KIAA1217: variants seen among roughly 807,000 people sequenced by gnomAD.
KIAA1217 encodes KIAA1217.
A neutral mutation model predicts 163.9 loss-of-function variants in KIAA1217; 88 were observed. That is an observed-to-expected ratio of 0.54 (90% confidence interval 0.45 to 0.64). The LOEUF (loss-of-function observed/expected upper bound fraction) is 0.64, where lower values mean the gene tolerates loss of function less well. Among genes scored for constraint, KIAA1217 ranks in the 30% least tolerant of loss-of-function variants. The pLI, the probability that KIAA1217 is intolerant of heterozygous loss-of-function variation, is 0.00. For missense variants in KIAA1217, 2,372 were observed against 2,475.0 expected (o/e 0.96, Z 0.88); for synonymous variants, 903 against 923.1 (o/e 0.98, Z 0.39).
intron 2 of KIAA1217, among the ~76,000 whole-genome samples, chr10:24,114,359 A>G (rs1174818687): frequency 6.6e-6 from 1 of 151,980 alleles, no homozygotes; most frequent in African/African-American, 2.4e-5. Flanking sequence ...TAATAAAAGA[A>G]ACAATTCCAA....
chr10:23,832,952 A>C (rs1193421775), intron 1 of KIAA1217, among the ~76,000 whole-genome samples: 1 of 152,160 alleles, frequency 6.6e-6, no homozygotes, highest in African/African-American at 2.4e-5. Context: ...CTTATTCACT[A>C]TCATGAGAAC....
At chr10:24,521,666 T>C in intron 11 of KIAA1217, 116 bp from the exon 12 acceptor site, 2 of 1,255,800 alleles carry the variant, frequency 1.6e-6, no homozygotes, top group Non-Finnish European at 2.2e-6. Flanking sequence ...TGAAGATGTG[T>C]GAGCCACCCT....
chr10:23,915,051 C>A (rs527249361), intron 1 of KIAA1217, among the ~76,000 whole-genome samples: 1 of 150,874 alleles, frequency 6.6e-6, no homozygotes, highest in African/African-American at 2.4e-5. Flanking sequence ...GAAAGAGAAC[C>A]CTACAAGAAA....
At chr10:24,510,341 G>C (rs2068933149) in intron 9 of KIAA1217, among the ~76,000 whole-genome samples, 1 of 152,068 alleles carries the variant, frequency 6.6e-6, no homozygotes, top group African/African-American at 2.4e-5. Context: ...TATCTAACCA[G>C]ACCCCAGATT....
chr10:24,357,154 C>A (rs905313733), intron 2 of KIAA1217, among the ~76,000 whole-genome samples: 2 of 152,104 alleles, frequency 1.3e-5, no homozygotes, highest in Admixed American at 6.5e-5. Context: ...TCAGGGTAGA[C>A]CTTGTATGAA....
At chr10:23,893,259 A>G (rs1188165488) in intron 1 of KIAA1217, among the ~76,000 whole-genome samples, 1 of 151,730 alleles carries the variant, frequency 6.6e-6, no homozygotes, top group Non-Finnish European at 1.5e-5. Context: ...TTTCTTCCAG[A>G]TTTTCTAGTT....
chr10:24,067,941 C>T (rs2061029586), intron 2 of KIAA1217, among the ~76,000 whole-genome samples: 1 of 152,208 alleles, frequency 6.6e-6, no homozygotes, highest in African/African-American at 2.4e-5. Context: ...ACCCTCAGAG[C>T]CTTGTGCAGG....
chr10:24,213,842 G>T (rs565044069), intron 1 of KIAA1217, among the ~76,000 whole-genome samples: 1 of 152,258 alleles, frequency 6.6e-6, no homozygotes, highest in East Asian at 1.9e-4. Context: ...CCTGGTTTCA[G>T]CTGTAATTTC....
intron 2 of KIAA1217, among the ~76,000 whole-genome samples, chr10:24,286,743 A>T (rs183309652): frequency 5.9e-5 from 9 of 152,266 alleles, no homozygotes. Context: ...ATTCTGGGTA[A>T]CTTTGTTTTA....
In KIAA1217 at chr10:23,849,470, C is replaced by A. The variant is rs928329607; in HGVS notation, c.-321+154236C>A. ...GGCTCTAAAATCACCTGGAGTGGCA[C>A]CTGATTGATACAGTGTTGCTCCATC... On this transcript the variant is annotated intron_variant, in intron 1 of 18. Transcript: ENST00000376462. Among the ~76,000 whole-genome samples, 4 of 151,994 alleles carry A rather than the reference C, an allele frequency of 2.6e-5. No homozygotes were observed. In the East Asian group the frequency reaches 7.7e-4, roughly 29 times the overall value.
intron 1 of KIAA1217, among the ~76,000 whole-genome samples, chr10:23,989,606 T>A (rs1009218390): frequency 3.9e-5 from 6 of 152,188 alleles, no homozygotes; most frequent in Non-Finnish European, 8.8e-5. Flanking sequence ...TTTTCTTAAG[T>A]CCTTCGGATT....
chr10:24,071,797 G>T (rs2131630013), intron 2 of KIAA1217, among the ~76,000 whole-genome samples: 1 of 152,154 alleles, frequency 6.6e-6, no homozygotes, highest in South Asian at 2.1e-4. Flanking sequence ...GAAAGTAGAA[G>T]AAAAATAAAG....
At chr10:24,305,844 A>T (rs1184683530) in intron 2 of KIAA1217, among the ~76,000 whole-genome samples, 1 of 152,160 alleles carries the variant, frequency 6.6e-6, no homozygotes, top group Non-Finnish European at 1.5e-5. Flanking sequence ...TCTGGGGCTC[A>T]GCAGAGACCT....
At chr10:23,851,242 C>T (rs1020833543) in intron 1 of KIAA1217, among the ~76,000 whole-genome samples, 40 of 152,026 alleles carry the variant, frequency 2.6e-4, no homozygotes, top group Non-Finnish European at 4.6e-4. Context: ...CAATTCCCAC[C>T]TATGAGTGAG....
chr10:23,920,433 A>T (rs1842810189), intron 1 of KIAA1217, among the ~76,000 whole-genome samples: 1 of 152,214 alleles, frequency 6.6e-6, no homozygotes, highest in South Asian at 2.1e-4. Flanking sequence ...TTTTGAAGGC[A>T]ACCTGAGCTT....
chr10:24,022,617 C>A (rs1847782445), intron 2 of KIAA1217, among the ~76,000 whole-genome samples: 1 of 151,564 alleles, frequency 6.6e-6, no homozygotes. Flanking sequence ...AGGTATTTAT[C>A]CAAATTAGTT....
intron 2 of KIAA1217, among the ~76,000 whole-genome samples, chr10:24,184,950 C>T (rs906386195): frequency 6.6e-6 from 1 of 152,016 alleles, no homozygotes; most frequent in Non-Finnish European, 1.5e-5. Context: ...CGTATGGTAT[C>T]TAATATAGGT....
chr10:24,065,337 G>A (rs2060897207), intron 2 of KIAA1217, among the ~76,000 whole-genome samples: 1 of 152,016 alleles, frequency 6.6e-6, no homozygotes, highest in South Asian at 2.1e-4. Flanking sequence ...ATTCTGGTAT[G>A]TTGTGTCTTT....
chr10:24,001,025 C>T (rs1263227223), intron 1 of KIAA1217, among the ~76,000 whole-genome samples: 1 of 151,920 alleles, frequency 6.6e-6, no homozygotes, highest in East Asian at 1.9e-4. Flanking sequence ...GAATTAAAAC[C>T]TTAACAATAA....
Sources: gnomAD v4.1 joint callset for allele counts (sites outside exome capture counted in the v4.1 genomes callset) on GRCh38, gnomAD v4.1.1 for gene constraint, MANE v1.5 for transcripts, NCBI Gene and HGNC (gene_info 2026-07-23, HGNC 2026-07-21) for gene names.